Variants in VRK2 observed in about 807,000 individuals in gnomAD.
VRK2 encodes the protein VRK serine/threonine kinase 2.
In VRK2, 60 loss-of-function variants were observed where a neutral mutation model predicts 57.6. That is an observed-to-expected ratio of 1.04 (90% CI 0.85 to 1.29). The LOEUF (loss-of-function observed/expected upper bound fraction) is 1.29, where lower values mean the gene tolerates loss of function less well. Ranked by LOEUF, VRK2 falls within the 50% of genes most tolerant of loss-of-function variation. VRK2 has a pLI of 0.00. For missense variants in VRK2, 705 were observed against 588.1 expected (o/e 1.20, Z -2.06); for synonymous variants, 231 against 199.2 (o/e 1.16, Z -1.35).
At chr2:57,933,421 T>C (rs1245072847) in intron 1 of VRK2, among the ~76,000 whole-genome samples, 5 of 147,458 alleles carry the variant, frequency 3.4e-5, no homozygotes, top group Non-Finnish European at 7.4e-5. Flanking sequence ...CAAGCGATTC[T>C]TCTGCCTCAG....
chr2:58,014,794 G>A (rs1304509136), intron 1 of VRK2, among the ~76,000 whole-genome samples: 1 of 152,124 alleles, frequency 6.6e-6, no homozygotes, highest in Non-Finnish European at 1.5e-5. Flanking sequence ...TTATAAAAAA[G>A]AGACACATTA....
intron 1 of VRK2, among the ~76,000 whole-genome samples, chr2:57,949,306 A>G (rs990414315): frequency 1.3e-5 from 2 of 152,158 alleles, no homozygotes; most frequent in East Asian, 1.9e-4. Context: ...TATGAATTGA[A>G]GCTTTGTGGC....
intron 1 of VRK2, among the ~76,000 whole-genome samples, chr2:57,910,107 T>C (rs1233204097): frequency 6.8e-6 from 1 of 147,192 alleles, no homozygotes; most frequent in Admixed American, 6.8e-5. Context: ...TGAATGAAGA[T>C]AGAGGAAAAA....
chr2:57,997,122 C>A (rs1456722426), intron 1 of VRK2, among the ~76,000 whole-genome samples: 1 of 151,898 alleles, frequency 6.6e-6, no homozygotes. Context: ...GATTTTGAGT[C>A]ATTGATGGAA....
chr2:58,125,857 A>G (rs1240296460), intron 8 of VRK2, among the ~76,000 whole-genome samples: 1 of 152,086 alleles, frequency 6.6e-6, no homozygotes, highest in East Asian at 1.9e-4. Flanking sequence ...GGAATGTATG[A>G]CATCCTCAAA....
chr2:57,926,057 T>C (rs1262187463), intron 1 of VRK2, among the ~76,000 whole-genome samples: 1 of 152,098 alleles, frequency 6.6e-6, no homozygotes, highest in African/African-American at 2.4e-5. Flanking sequence ...CTCTTGATAC[T>C]GATTTTTAGT....
chr2:57,946,239 A>G (rs1413804096), intron 1 of VRK2, among the ~76,000 whole-genome samples: 1 of 152,052 alleles, frequency 6.6e-6, no homozygotes, highest in Non-Finnish European at 1.5e-5. Context: ...TTATAATAAA[A>G]CTATGTTTTA....
chr2:58,150,296 A>G (rs1682805549), intron 12 of VRK2, among the ~76,000 whole-genome samples: 1 of 151,298 alleles, frequency 6.6e-6, no homozygotes, highest in Non-Finnish European at 1.5e-5. Flanking sequence ...TAATATATAG[A>G]GTGATCATTA....
intron 1 of VRK2, among the ~76,000 whole-genome samples, chr2:57,961,418 A>G (rs74716097): frequency 6.6e-6 from 1 of 152,214 alleles, no homozygotes; most frequent in Non-Finnish European, 1.5e-5. Context: ...AGACAAGACA[A>G]TAAGTCACAG....
chr2:58,102,584 C>T (rs1674149267), intron 7 of VRK2, among the ~76,000 whole-genome samples: 1 of 149,466 alleles, frequency 6.7e-6, no homozygotes. Context: ...ATGCCCTGAA[C>T]TCAGGAGCAG....
intron 12 of VRK2, among the ~76,000 whole-genome samples, chr2:58,146,819 TA>T (rs1682228309): frequency 6.6e-6 from 1 of 152,054 alleles, no homozygotes; most frequent in East Asian, 1.9e-4. Flanking sequence ...TATAATCAAA[TA>T]TAAGTGAAGT....
chr2:58,055,004 C>G (rs1406290131), intron 2 of VRK2, among the ~76,000 whole-genome samples: 2 of 152,104 alleles, frequency 1.3e-5, no homozygotes, highest in African/African-American at 2.4e-5. Flanking sequence ...TCAAGTAATA[C>G]TTGAGGGAAA....
chr2:58,104,971 G>A (rs904922740), intron 7 of VRK2, among the ~76,000 whole-genome samples: 11 of 151,720 alleles, frequency 7.3e-5, no homozygotes, highest in Non-Finnish European at 1.3e-4. Context: ...AGGACACCCT[G>A]TTCAATAAAT....
chr2:58,079,900 T>C (rs1412258845), intron 2 of VRK2, among the ~76,000 whole-genome samples: 1 of 151,934 alleles, frequency 6.6e-6, no homozygotes, highest in Non-Finnish European at 1.5e-5. Flanking sequence ...TCTATTTATG[T>C]CATCATTTTT....
At chr2:57,970,146 G>A (rs1242626879) in intron 1 of VRK2, among the ~76,000 whole-genome samples, 2 of 148,030 alleles carry the variant, frequency 1.4e-5, no homozygotes, top group Non-Finnish European at 3.0e-5. Context: ...TAATATTTAT[G>A]ATGTAAACAT....
intron 3 of VRK2, among the ~76,000 whole-genome samples, chr2:58,036,275 T>A (rs542014154): frequency 2.6e-4 from 40 of 152,110 alleles, no homozygotes; most frequent in Admixed American, 1.8e-3. Context: ...AATATTACTT[T>A]GGGCTTTCTA....
intron 1 of VRK2, among the ~76,000 whole-genome samples, chr2:57,998,065 T>C (rs960830710): frequency 1.3e-5 from 2 of 152,254 alleles, no homozygotes; most frequent in Admixed American, 6.5e-5. Flanking sequence ...TGGCTACATA[T>C]CACCTCTGTT....
chr2:58,064,402 C>T (rs1668337705), intron 2 of VRK2, among the ~76,000 whole-genome samples: 1 of 152,118 alleles, frequency 6.6e-6, no homozygotes, highest in Non-Finnish European at 1.5e-5. Flanking sequence ...CAGCTATCCA[C>T]ATCAAGACCC....
intron 4 of VRK2, 32 bp from the exon 5 acceptor site, chr2:58,086,307 G>T: frequency 3.2e-6 from 5 of 1,550,728 alleles, no homozygotes; most frequent in South Asian, 2.4e-5. Flanking sequence ...CAAATAACAT[G>T]AATCTTTTTA....
Sources: gnomAD v4.1 joint callset for allele counts (sites outside exome capture counted in the v4.1 genomes callset) on GRCh38, gnomAD v4.1.1 for gene constraint, MANE v1.5 for transcripts, NCBI Gene and HGNC (gene_info 2026-07-23, HGNC 2026-07-21) for gene names.